Variants in ARHGEF7 observed in about 807,000 individuals in gnomAD.
ARHGEF7 encodes PAK-interacting exchange factor beta.
A neutral mutation model predicts 109.8 loss-of-function variants in ARHGEF7; 33 were observed. That is an observed-to-expected ratio of 0.30 (90% confidence interval 0.23 to 0.40). The LOEUF is 0.40. Ranked by LOEUF, ARHGEF7 falls within the 10% of genes least tolerant of loss-of-function variation. The pLI, the probability that ARHGEF7 is intolerant of heterozygous loss-of-function variation, is 1.00. For synonymous variants in ARHGEF7, 458 were observed against 424.6 expected (o/e 1.08, Z -0.97); for missense variants, 938 against 1,098.5 (o/e 0.85, Z 2.07).
At chr13:111,144,985 A>C (rs2075518122) in intron 1 of ARHGEF7, among the ~76,000 whole-genome samples, 3 of 151,978 alleles carry the variant, frequency 2.0e-5, no homozygotes, top group South Asian at 4.2e-4. Context: ...ATATGCTTGC[A>C]GAGACAGCTC....
chr13:111,245,867 A>G (rs1286378177), intron 8 of ARHGEF7, among the ~76,000 whole-genome samples: 1 of 152,390 alleles, frequency 6.6e-6, no homozygotes, highest in African/African-American at 2.4e-5. Flanking sequence ...CAAGCGAGAA[A>G]TACGCATTAA....
chr13:111,123,985 T>C (rs777014640), intron 1 of ARHGEF7, among the ~76,000 whole-genome samples: 2 of 152,226 alleles, frequency 1.3e-5, no homozygotes, highest in Non-Finnish European at 2.9e-5. Flanking sequence ...TCCTTGACTT[T>C]ATCTCCCAAC....
chr13:111,179,149 A>G (rs1228466196), intron 2 of ARHGEF7, among the ~76,000 whole-genome samples: 1 of 151,180 alleles, frequency 6.6e-6, no homozygotes, highest in Non-Finnish European at 1.5e-5. Context: ...TGCAACCTCA[A>G]CTCACTGCAG....
At chr13:111,221,480 G>GATATATAGACATATATATCT (rs2084201279) in intron 5 of ARHGEF7, among the ~76,000 whole-genome samples, 1 of 53,346 alleles carries the variant, frequency 1.9e-5, no homozygotes, top group Non-Finnish European at 3.9e-5. Flanking sequence ...TATATATATA[G>GATATATAGACATATATATCT]ATATATATAG....
At chr13:111,150,798 T>C (rs1389879805) in intron 1 of ARHGEF7, among the ~76,000 whole-genome samples, 1 of 152,232 alleles carries the variant, frequency 6.6e-6, no homozygotes, top group Non-Finnish European at 1.5e-5. Context: ...AGATGTAGTA[T>C]TGGGGGCATG....
intron 1 of ARHGEF7, among the ~76,000 whole-genome samples, chr13:111,116,174 C>T (rs1375756052): frequency 3.3e-5 from 5 of 152,198 alleles, no homozygotes; most frequent in South Asian, 4.1e-4. Context: ...TAAAGAGGCA[C>T]GCATCTGTAG....
At chr13:111,278,264 G>T (rs939949792) in intron 13 of ARHGEF7, among the ~76,000 whole-genome samples, 1 of 152,142 alleles carries the variant, frequency 6.6e-6, no homozygotes, top group South Asian at 2.1e-4. Flanking sequence ...GTATATGAAG[G>T]AGCTGGTATT....
chr13:111,251,576 C>T (rs189732791), intron 8 of ARHGEF7, among the ~76,000 whole-genome samples: 12 of 152,202 alleles, frequency 7.9e-5, no homozygotes, highest in African/African-American at 2.4e-4. Flanking sequence ...GATTCTTTTC[C>T]GTGTTAAATA....
At chr13:111,267,216 T>C (rs570700536) in intron 8 of ARHGEF7, among the ~76,000 whole-genome samples, 1 of 152,360 alleles carries the variant, frequency 6.6e-6, no homozygotes, top group South Asian at 2.1e-4. Context: ...AATAACCACA[T>C]TCAATAATTC....
intron 8 of ARHGEF7, among the ~76,000 whole-genome samples, chr13:111,247,583 A>G (rs1363278760): frequency 1.3e-5 from 2 of 150,516 alleles, no homozygotes; most frequent in African/African-American, 2.5e-5. Context: ...CATATTCATT[A>G]TTTCTTTTGA....
intron 5 of ARHGEF7, 46 bp downstream of exon 5, chr13:111,217,926 G>T: frequency 1.3e-6 from 2 of 1,540,136 alleles, no homozygotes; most frequent in Non-Finnish European, 1.8e-6. Context: ...GCGATGAGCA[G>T]AAAGAAGTAA....
At chr13:111,240,976 G>A (rs1291753331) in intron 6 of ARHGEF7, among the ~76,000 whole-genome samples, 1 of 152,150 alleles carries the variant, frequency 6.6e-6, no homozygotes, top group Non-Finnish European at 1.5e-5. Context: ...AATCAGAAAT[G>A]CTAAGTACTC....
chr13:111,274,844 T>C, intron 11 of ARHGEF7, 54 bp downstream of exon 11: 1 of 1,179,854 alleles, frequency 8.5e-7, no homozygotes, highest in South Asian at 2.3e-5. Flanking sequence ...GACAAATGAA[T>C]GTAAAAGAAT....
intron 2 of ARHGEF7, among the ~76,000 whole-genome samples, chr13:111,172,819 A>G (rs528379701): frequency 3.3e-5 from 5 of 152,346 alleles, no homozygotes; most frequent in Admixed American, 2.6e-4. Flanking sequence ...GACAGCAGCC[A>G]GAGTTGGCAT....
intron 2 of ARHGEF7, among the ~76,000 whole-genome samples, chr13:111,168,675 C>A (rs762987886): frequency 2.0e-5 from 3 of 152,096 alleles, no homozygotes; most frequent in Non-Finnish European, 4.4e-5. Flanking sequence ...AGAAAAAAAT[C>A]ACAGAATCAC....
intron 8 of ARHGEF7, among the ~76,000 whole-genome samples, chr13:111,262,763 T>C (rs1474863026): frequency 1.3e-5 from 2 of 152,260 alleles, no homozygotes; most frequent in African/African-American, 4.8e-5. Context: ...CCCTTTCACC[T>C]TGTGCTGTTG....
intron 1 of ARHGEF7, among the ~76,000 whole-genome samples, chr13:111,118,119 C>T (rs1306900640): frequency 6.6e-6 from 1 of 152,272 alleles, no homozygotes; most frequent in Non-Finnish European, 1.5e-5. Context: ...GGCTCACAAC[C>T]TGGCATGGGC....
chr13:111,265,043 G>A (rs1567006491), intron 8 of ARHGEF7, among the ~76,000 whole-genome samples: 2 of 144,942 alleles, frequency 1.4e-5, no homozygotes, highest in Admixed American at 7.1e-5. Context: ...AGAATCGCTT[G>A]AACCGGGAAG....
chr13:111,135,238 C>G lies in ARHGEF7; in HGVS notation c.166-18667C>G, dbSNP rs542014895. On this transcript the variant is annotated intron_variant, in intron 1 of 21. Coordinates refer to ENST00000646102, the MANE Select transcript of ARHGEF7 (RefSeq NM_001354046.2). ...TAGTTTGAAGTCAGGTAGCGTGATG[C>G]CTCCAGCTTTGTTCTTTTGGCTTAG... Among the ~76,000 whole-genome samples, 133 of 152,262 alleles carry G rather than the reference C, an allele frequency of 8.7e-4. 1 individual carries two copies. The highest frequency in any genetic ancestry group is 3.1e-3 in the African/African-American group (129 of 41,546).
Sources: gnomAD v4.1 joint callset for allele counts (sites outside exome capture counted in the v4.1 genomes callset) on GRCh38, gnomAD v4.1.1 for gene constraint, MANE v1.5 for transcripts, NCBI Gene and HGNC (gene_info 2026-07-23, HGNC 2026-07-21) for gene names.